The following CFAP20DC variants were observed in gnomAD, a reference collection of about 807,000 sequenced individuals.
CFAP20DC encodes the protein protein CFAP20DC.
In CFAP20DC, 84 loss-of-function variants were observed where a neutral mutation model predicts 101.7. The ratio of observed to expected loss-of-function variants is 0.83; its 90% CI spans 0.69 to 0.99. CFAP20DC has a LOEUF of 0.99. Ranked by LOEUF, CFAP20DC falls within the 50% of genes least tolerant of loss-of-function variation. The pLI, the probability that CFAP20DC is intolerant of heterozygous loss-of-function variation, is 0.00. For missense variants in CFAP20DC, 1,007 were observed against 970.3 expected (o/e 1.04, Z -0.50); for synonymous variants, 359 against 351.2 (o/e 1.02, Z -0.25).
chr3:58,724,698 G>T lies in CFAP20DC; in HGVS notation c.198-7070C>A, dbSNP rs1048817403. On this transcript the variant is annotated intron_variant, in intron 3 of 3. Coordinates refer to the CFAP20DC transcript ENST00000486145. This position sits in a 1 kb window ranked among gnomAD's most constrained non-coding sequence, Gnocchi z 5.6. ...ATATATAGCATGGAGACCAGAGCTC[G>T]GCGCCTTTTGCAGCCTCCATTTTGC... 2.6e-5 allele frequency among the ~76,000 whole-genome samples: 4 copies of T among 152,082 alleles called. No homozygotes were observed. Among genetic ancestry groups the T allele is most frequent in the Non-Finnish European group, 4.4e-5 (3 of 68,024 alleles).
rs1055988833 is a variant in CFAP20DC at position 58,897,461 on chromosome 3, T to G, written c.551-12752A>C. Reference sequence around the variant, plus strand: ...GTTTATGTGGTTGCTTCAATGTTACTGGGCTGTGTACTTCAGATACACTGT... The same window carrying G: ...GTTTATGTGGTTGCTTCAATGTTACGGGGCTGTGTACTTCAGATACACTGT... On this transcript the variant is annotated intron_variant, in intron 6 of 16. Transcript: ENST00000482387. The surrounding 1 kb of genome is among the most constrained non-coding windows in gnomAD (Gnocchi z 4.4). Among the ~76,000 whole-genome samples, 1 of 152,198 alleles carries G rather than the reference T, an allele frequency of 6.6e-6. No individual in the cohort carries two copies. Among genetic ancestry groups the G allele is most frequent in the African/African-American group, 2.4e-5 (1 of 41,458 alleles).
chr3:58,927,477 G>GA (rs2107618488), intron 5 of CFAP20DC, among the ~76,000 whole-genome samples: 1 of 152,296 alleles, frequency 6.6e-6, no homozygotes, highest in Non-Finnish European at 1.5e-5. Flanking sequence ...CTTTACAGAA[G>GA]AGCTTGCAGC....
At chr3:58,891,914 C>T (rs914321540) in intron 6 of CFAP20DC, among the ~76,000 whole-genome samples, 1 of 152,100 alleles carries the variant, frequency 6.6e-6, no homozygotes, top group Non-Finnish European at 1.5e-5. Context: ...CAAATCTTTG[C>T]CTGTGTCTTG....
intron 14 of CFAP20DC, among the ~76,000 whole-genome samples, chr3:58,821,735 G>A (rs1299315506): frequency 6.6e-6 from 1 of 151,128 alleles, no homozygotes; most frequent in African/African-American, 2.5e-5. Flanking sequence ...AAGTCAGTGT[G>A]GCGATTCCTC....
intron 13 of CFAP20DC, among the ~76,000 whole-genome samples, chr3:58,842,504 G>T (rs1204680677): frequency 1.3e-5 from 2 of 152,080 alleles, no homozygotes. Flanking sequence ...CACCTGGCTC[G>T]GAGGGTCCTA....
chr3:58,740,971 C>T (rs1239235100), downstream of CFAP20DC, among the ~76,000 whole-genome samples: 1 of 152,134 alleles, frequency 6.6e-6, no homozygotes, highest in Non-Finnish European at 1.5e-5. This position sits in a 1 kb window ranked among gnomAD's most constrained non-coding sequence, Gnocchi z 4.6. Context: ...CAAAGGCATA[C>T]TTTGTGAACA....
chr3:58,830,265 A>G (rs569843631), intron 14 of CFAP20DC, among the ~76,000 whole-genome samples: 1 of 152,310 alleles, frequency 6.6e-6, no homozygotes, highest in South Asian at 2.1e-4. Context: ...TTCTCCCCAG[A>G]GCACAGAAAT....
chr3:58,872,667 C>T (rs145036219), intron 7 of CFAP20DC, among the ~76,000 whole-genome samples: 1 of 152,036 alleles, frequency 6.6e-6, no homozygotes, highest in Admixed American at 6.5e-5. Flanking sequence ...GAGAGAAATT[C>T]CATTTGTCTA....
chr3:58,917,542 C>T (rs1468642392), intron 5 of CFAP20DC, among the ~76,000 whole-genome samples: 1 of 152,148 alleles, frequency 6.6e-6, no homozygotes, highest in East Asian at 1.9e-4. Context: ...CATCTCTTCC[C>T]AGAGTTTTAG....
chr3:58,825,538 A>AACACACACAC (rs4020376), intron 14 of CFAP20DC, among the ~76,000 whole-genome samples: 3,972 of 149,784 alleles, frequency 0.027, 56 homozygotes, highest in Non-Finnish European at 0.029. Context: ...AAAAAAAGAA[A>AACACACACAC]ACACACACAC....
intron 4 of CFAP20DC, among the ~76,000 whole-genome samples, chr3:58,961,753 A>T (rs1323044614): frequency 6.6e-6 from 1 of 151,298 alleles, no homozygotes; most frequent in Admixed American, 6.6e-5. Context: ...TTCAGTTGTG[A>T]TAAGTTTCTA....
chr3:58,748,255 A>C (rs1029019542), intron 16 of CFAP20DC, among the ~76,000 whole-genome samples: 36 of 152,296 alleles, frequency 2.4e-4, no homozygotes, highest in African/African-American at 7.9e-4. Context: ...CAGAGCCCAT[A>C]ATCTCTTAGG....
chr3:58,797,376 C>G (rs2073338152), intron 15 of CFAP20DC, among the ~76,000 whole-genome samples: 1 of 152,152 alleles, frequency 6.6e-6, no homozygotes, highest in African/African-American at 2.4e-5. Context: ...AACATCAAAC[C>G]AGCCACAACA....
intron 14 of CFAP20DC, among the ~76,000 whole-genome samples, chr3:58,820,098 C>A (rs1282768947): frequency 1.3e-5 from 2 of 151,888 alleles, no homozygotes; most frequent in Non-Finnish European, 2.9e-5. Flanking sequence ...AACAACCCTT[C>A]ATGCTAAGAA....
intron 4 of CFAP20DC, among the ~76,000 whole-genome samples, chr3:58,997,512 T>C (rs533638557): frequency 6.6e-6 from 1 of 152,356 alleles, no homozygotes; most frequent in South Asian, 2.1e-4. Flanking sequence ...TACTAATTGA[T>C]TCTGCATATT....
intron 15 of CFAP20DC, among the ~76,000 whole-genome samples, chr3:58,785,825 T>G (rs1441920126): frequency 6.6e-6 from 1 of 152,128 alleles, no homozygotes; most frequent in East Asian, 1.9e-4. Context: ...TTCCCTCTTA[T>G]CTGCCTAAAG....
rs183787287 is a variant in CFAP20DC at position 58,816,379 on chromosome 3, C to T, written c.2176-9923G>A. Among the ~76,000 whole-genome samples, 257 of 152,264 alleles carry T rather than the reference C, an allele frequency of 1.7e-3. 1 individual carries two copies. Among genetic ancestry groups the T allele is most frequent in the African/African-American group, 5.5e-3 (229 of 41,568 alleles). ...GACTTCTGCATTTCCATCTGAGGTA[C>T]CGGGTTTATCTCACTAGGGAGTGCC... is the stretch of plus-strand genomic sequence containing the variant. On this transcript the variant is annotated intron_variant, in intron 14 of 16. Coordinates refer to ENST00000482387, the MANE Select transcript of CFAP20DC (RefSeq NM_001394063.1).
chr3:58,753,826 G>A lies in CFAP20DC; in HGVS notation c.2275C>T (p.Pro759Ser). The A allele has an allele frequency of 6.2e-7, 1 of 1,612,920 alleles. No individual in the cohort carries two copies. Among genetic ancestry groups the A allele is most frequent in the Non-Finnish European group, 8.5e-7 (1 of 1,179,386 alleles). Residue 759 changes from proline (P) to serine (S), a missense_variant, in exon 16 of 17, where the codon CCC becomes TCC. Transcript: ENST00000482387. The part of the protein sequence containing the change: ...LNMLSPPIVP[P>S]SQQPAEQRPD... ...CGCTGCTCAGCCGGCTGTTGACTGG[G>A]AGGAACGATTGGTGGGCTCAACATA... is the stretch of plus-strand genomic sequence containing the variant.
intron 6 of CFAP20DC, among the ~76,000 whole-genome samples, chr3:58,901,286 G>A (rs2083121917): frequency 6.6e-6 from 1 of 152,168 alleles, no homozygotes; most frequent in African/African-American, 2.4e-5. Flanking sequence ...CTCTGAGTTT[G>A]CTATAGAATG....
Sources: allele counts gnomAD v4.1 joint callset (sites outside exome capture counted in the v4.1 genomes callset), GRCh38; gene constraint gnomAD v4.1.1; non-coding constraint Gnocchi (gnomAD v3.1); transcripts MANE v1.5; gene names NCBI Gene and HGNC (gene_info 2026-07-23, HGNC 2026-07-21).